The following VAV3 variants were observed in gnomAD, a reference collection of about 807,000 sequenced individuals.
The protein encoded by VAV3 is guanine nucleotide exchange factor VAV3.
In VAV3, 94 loss-of-function variants were observed where a neutral mutation model predicts 131.2. The ratio of observed to expected loss-of-function variants is 0.72; its 90% confidence interval spans 0.61 to 0.85. VAV3 has a LOEUF of 0.85. Among genes scored for constraint, VAV3 ranks in the 40% least tolerant of loss-of-function variants. The pLI is 0.00. For synonymous variants in VAV3, 349 were observed against 342.0 expected (o/e 1.02, Z -0.22); for missense variants, 939 against 1,002.7 (o/e 0.94, Z 0.86).
intron 25 of VAV3, among the ~76,000 whole-genome samples, chr1:107,575,364 C>T (rs1468270631): frequency 6.6e-6 from 1 of 152,158 alleles, no homozygotes; most frequent in Non-Finnish European, 1.5e-5. Context: ...AAGTTATGAC[C>T]TGTGTTACCC....
At chr1:107,908,863 AC>A (rs1163484286) in intron 1 of VAV3, among the ~76,000 whole-genome samples, 4 of 131,930 alleles carry the variant, frequency 3.0e-5, no homozygotes, top group African/African-American at 1.2e-4. Flanking sequence ...ACACACACAC[AC>A]ACACACACAC....
chr1:107,947,975 C>T (rs1269818210), intron 1 of VAV3, among the ~76,000 whole-genome samples: 1 of 152,156 alleles, frequency 6.6e-6, no homozygotes. Flanking sequence ...CATGAATACT[C>T]ATACCGTTGG....
At chr1:107,622,876 G>T (rs1653713451) in intron 20 of VAV3, among the ~76,000 whole-genome samples, 1 of 152,142 alleles carries the variant, frequency 6.6e-6, no homozygotes, top group Non-Finnish European at 1.5e-5. Context: ...ACACAAATTA[G>T]TTTATTGATT....
rs1039903825 is a variant in VAV3, at chr1:107,875,886, T to C, written c.205-869A>G. Among the ~76,000 whole-genome samples the C allele has an allele frequency of 5.3e-5, 8 of 152,136 alleles. 1 individual carries two copies. Among genetic ancestry groups the C allele is most frequent in the Admixed American group, 2.0e-4 (3 of 15,258 alleles). On this transcript the variant is annotated intron_variant, in intron 1 of 26. Transcript: ENST00000370056. Reference sequence around the variant, plus strand: ...GACTGTGTTAAATCTGAGAGGCCTATTAGTCATCCAATAAGTGTGGAGTCC... The same window carrying C: ...GACTGTGTTAAATCTGAGAGGCCTACTAGTCATCCAATAAGTGTGGAGTCC...
At position 107,596,349 on chromosome 1, in the gene VAV3, A is replaced by T; in HGVS notation, c.2221-8T>A. The T allele has an allele frequency of 6.2e-7, 1 of 1,610,556 alleles. No individual in the cohort carries two copies. The highest frequency in any genetic ancestry group is 1.1e-5 in the South Asian group (1 of 90,180). ...GTAGTACTCCACAAGTTCCTTTGGA[A>T]AAAAGAATCCAACATATTTTTGATA... On this transcript the variant is annotated splice_region_variant and splice_polypyrimidine_tract_variant and intron_variant, in intron 24 of 26. Coordinates refer to ENST00000370056, the MANE Select transcript of VAV3 (RefSeq NM_006113.5).
At chr1:107,766,274 A>G (rs1461740268) in intron 8 of VAV3, among the ~76,000 whole-genome samples, 173 bp downstream of exon 8, 1 of 152,034 alleles carries the variant, frequency 6.6e-6, no homozygotes, top group Non-Finnish European at 1.5e-5. Flanking sequence ...TTCTTTTTTA[A>G]TTACATATAT....
chr1:107,867,193 T>G (rs900954700), intron 2 of VAV3, among the ~76,000 whole-genome samples: 3 of 152,224 alleles, frequency 2.0e-5, no homozygotes, highest in Non-Finnish European at 4.4e-5. Flanking sequence ...ACAATGGGAT[T>G]CTTTGCAAAG....
chr1:107,850,314 A>C (rs955350178), intron 2 of VAV3, among the ~76,000 whole-genome samples: 2 of 152,178 alleles, frequency 1.3e-5, no homozygotes, highest in Non-Finnish European at 2.9e-5. Context: ...AAGACTTCAA[A>C]CCAACCTAAA....
At chr1:107,951,868 G>T (rs1456866606) in intron 1 of VAV3, among the ~76,000 whole-genome samples, 1 of 151,968 alleles carries the variant, frequency 6.6e-6, no homozygotes, top group African/African-American at 2.4e-5. Context: ...ATACACTGTT[G>T]GTGGGAGTGT....
intron 22 of VAV3, chr1:107,609,494 C>T (rs554054254): frequency 7.1e-4 from 109 of 153,050 alleles, no homozygotes; most frequent in Admixed American, 1.5e-3. Flanking sequence ...ATGATGGCAT[C>T]GCTGCACTCC....
intron 17 of VAV3, among the ~76,000 whole-genome samples, chr1:107,691,724 C>T (rs1490567061): frequency 1.3e-5 from 2 of 152,072 alleles, no homozygotes; most frequent in South Asian, 2.1e-4. Context: ...GACTCATGGG[C>T]CCTCAAGGGG....
At chr1:107,895,828 T>C (rs981069952) in intron 1 of VAV3, among the ~76,000 whole-genome samples, 1 of 152,174 alleles carries the variant, frequency 6.6e-6, no homozygotes, top group Non-Finnish European at 1.5e-5. Context: ...TGAAATTTTA[T>C]ACTTAATAAA....
At chr1:107,810,835 T>G (rs1377653766) in intron 2 of VAV3, among the ~76,000 whole-genome samples, 1 of 151,166 alleles carries the variant, frequency 6.6e-6, no homozygotes, top group African/African-American at 2.4e-5. Flanking sequence ...ACAGAAACAA[T>G]ACGCGACAGG....
intron 15 of VAV3, among the ~76,000 whole-genome samples, chr1:107,735,724 C>A (rs769506850): frequency 3.0e-4 from 46 of 152,086 alleles, no homozygotes; most frequent in Non-Finnish European, 5.0e-4. Flanking sequence ...AATAGCCTAA[C>A]AACCAAAAAA....
intron 2 of VAV3, among the ~76,000 whole-genome samples, chr1:107,846,946 C>T (rs1395035900): frequency 2.6e-5 from 4 of 152,178 alleles, no homozygotes; most frequent in South Asian, 2.1e-4. Context: ...CAGAACTCTC[C>T]ACCCTATAAT....
At chr1:107,817,097 T>C (rs964082351) in intron 2 of VAV3, among the ~76,000 whole-genome samples, 1 of 152,186 alleles carries the variant, frequency 6.6e-6, no homozygotes, top group African/African-American at 2.4e-5. Context: ...CAAGGACATA[T>C]TCATGGCTCT....
intron 15 of VAV3, among the ~76,000 whole-genome samples, chr1:107,739,689 G>T (rs1376095287): frequency 1.3e-5 from 2 of 152,150 alleles, no homozygotes; most frequent in Non-Finnish European, 2.9e-5. Context: ...CAAATATACA[G>T]ACAGTTTATA....
At chr1:107,758,257 G>C (rs568273190) in intron 10 of VAV3, among the ~76,000 whole-genome samples, 3 of 152,178 alleles carry the variant, frequency 2.0e-5, no homozygotes, top group African/African-American at 7.2e-5. Flanking sequence ...ATTAGGTTCA[G>C]ATCCTCACGT....
At chr1:107,692,058 T>TA (rs1284006643) in intron 17 of VAV3, among the ~76,000 whole-genome samples, 1 of 152,180 alleles carries the variant, frequency 6.6e-6, no homozygotes, top group African/African-American at 2.4e-5. Flanking sequence ...CAATGTCCAG[T>TA]AAGACTGCCT....
Sources: allele counts gnomAD v4.1 joint callset (sites outside exome capture counted in the v4.1 genomes callset), GRCh38; gene constraint gnomAD v4.1.1; transcripts MANE v1.5; gene names NCBI Gene and HGNC (gene_info 2026-07-23, HGNC 2026-07-21).